Variants in PRKG1 observed in about 807,000 individuals in gnomAD.
The protein encoded by PRKG1 is protein kinase cGMP-dependent 1.
PRKG1 carries 35 observed loss-of-function variants against 88.1 expected under a neutral mutation model. The ratio of observed to expected loss-of-function variants is 0.40; its 90% confidence interval spans 0.30 to 0.53. PRKG1 has a LOEUF of 0.53. Ranked by LOEUF, PRKG1 falls within the 20% of genes least tolerant of loss-of-function variation. The pLI, the probability that PRKG1 is intolerant of heterozygous loss-of-function variation, is 0.59. For missense variants in PRKG1, 540 were observed against 839.8 expected, an observed-to-expected ratio of 0.64 and a Z score of 4.41; for synonymous variants, 303 against 292.5, an observed-to-expected ratio of 1.04 and a Z score of -0.37.
At chr10:51,894,351 C>T (rs1479030554) in intron 4 of PRKG1, among the ~76,000 whole-genome samples, 1 of 152,022 alleles carries the variant, frequency 6.6e-6, no homozygotes, top group African/African-American at 2.4e-5. Flanking sequence ...TAAGGGATAC[C>T]TGCCATAGTC....
chr10:52,036,670 G>A (rs1333495687), intron 5 of PRKG1, among the ~76,000 whole-genome samples: 38 of 152,112 alleles, frequency 2.5e-4, no homozygotes, highest in African/African-American at 5.8e-4. Flanking sequence ...GAAGAAGGGC[G>A]GCAATGAGAT....
At chr10:51,729,504 C>A (rs577492406) in intron 3 of PRKG1, among the ~76,000 whole-genome samples, 45 of 151,786 alleles carry the variant, frequency 3.0e-4, no homozygotes, top group African/African-American at 9.7e-4. Flanking sequence ...CTCAGGAGTT[C>A]GAGACCAGCC....
intron 10 of PRKG1, among the ~76,000 whole-genome samples, chr10:52,267,680 C>T (rs1841611563): frequency 6.6e-6 from 1 of 151,922 alleles, no homozygotes. Context: ...TACACACTAA[C>T]ATACGAACAC....
chr10:51,602,231 T>C (rs7909285), intron 3 of PRKG1, among the ~76,000 whole-genome samples: 11,973 of 152,192 alleles, frequency 0.079, 1,567 homozygotes, highest in African/African-American at 0.27. Flanking sequence ...TCATGTCATT[T>C]GTGTCTAAAC....
intron 9 of PRKG1, among the ~76,000 whole-genome samples, chr10:52,249,837 C>A (rs201051735): frequency 6.6e-6 from 1 of 151,726 alleles, no homozygotes; most frequent in Non-Finnish European, 1.5e-5. Context: ...CTAAAAAAAA[C>A]AAAAAGCAAA....
At chr10:51,698,202 C>T (rs924691336) in intron 3 of PRKG1, 2 of 1,614,066 alleles carry the variant, frequency 1.2e-6, no homozygotes, top group African/African-American at 2.7e-5. Context: ...ATGCCCCTTG[C>T]TTCCATCCCT....
At chr10:51,218,576 A>G (rs1564642851) in intron 2 of PRKG1, among the ~76,000 whole-genome samples, 1 of 147,290 alleles carries the variant, frequency 6.8e-6, no homozygotes, top group East Asian at 2.0e-4. Context: ...TGGCATATAT[A>G]TATGTATTTG....
At chr10:51,705,505 A>G (rs1447233824) in intron 3 of PRKG1, among the ~76,000 whole-genome samples, 1 of 152,222 alleles carries the variant, frequency 6.6e-6, no homozygotes, top group Non-Finnish European at 1.5e-5. Context: ...CTTATGAAGT[A>G]CATGCAATTG....
intron 7 of PRKG1, among the ~76,000 whole-genome samples, chr10:52,124,720 A>G (rs989546512): frequency 1.3e-5 from 2 of 152,110 alleles, no homozygotes; most frequent in Non-Finnish European, 2.9e-5. Flanking sequence ...CTAAAATACA[A>G]ACAATTCATA....
intron 5 of PRKG1, among the ~76,000 whole-genome samples, chr10:51,953,911 C>T (rs1843243376): frequency 6.6e-6 from 1 of 151,984 alleles, no homozygotes; most frequent in African/African-American, 2.4e-5. Flanking sequence ...AAAGAAATTG[C>T]CCCTTTTATC....
rs191774051 is a variant in PRKG1 at position 51,805,125 on chromosome 10, G to T, written c.698+435G>T. 7.0e-4 allele frequency among the ~76,000 whole-genome samples: 107 copies of T among 152,194 alleles called. 1 individual carries two copies. In the Middle Eastern group the frequency reaches 0.01, roughly 15 times the overall value. ...ACTGTAAGGCCGAGTCATCTCTTGT[G>T]TGAGTTTCCATATGAAAGGTCAGAT... On this transcript the variant is annotated intron_variant, in intron 4 of 17. Transcript: ENST00000373980.
chr10:51,361,615 A>G (rs1036316968), intron 2 of PRKG1, among the ~76,000 whole-genome samples: 38 of 151,990 alleles, frequency 2.5e-4, no homozygotes, highest in African/African-American at 8.9e-4. Context: ...GGAGTAGTTA[A>G]CAGTTATCTA....
At chr10:51,820,162 A>G (rs1454757934) in intron 4 of PRKG1, among the ~76,000 whole-genome samples, 2 of 152,194 alleles carry the variant, frequency 1.3e-5, no homozygotes, top group Non-Finnish European at 2.9e-5. Flanking sequence ...ATTTATGTAC[A>G]ACTGTTATAT....
intron 3 of PRKG1, among the ~76,000 whole-genome samples, chr10:51,775,875 C>T (rs532638779): frequency 7.9e-5 from 12 of 152,184 alleles, no homozygotes; most frequent in African/African-American, 2.9e-4. Context: ...TGAGCCACTG[C>T]GCCAGCCTGA....
At chr10:51,352,035 T>G (rs1842259856) in intron 2 of PRKG1, among the ~76,000 whole-genome samples, 1 of 152,200 alleles carries the variant, frequency 6.6e-6, no homozygotes, top group Non-Finnish European at 1.5e-5. Flanking sequence ...GTCAGGTTTG[T>G]CAAAGATCAG....
intron 2 of PRKG1, among the ~76,000 whole-genome samples, chr10:51,205,132 T>C (rs1213644482): frequency 0.011 from 915 of 87,090 alleles, 149 homozygotes; most frequent in South Asian, 0.019. Flanking sequence ...CTTTTCTTTT[T>C]TTTTTTTTTT....
chr10:51,228,369 CCT>C (rs1162163949), intron 2 of PRKG1, among the ~76,000 whole-genome samples: 10 of 152,252 alleles, frequency 6.6e-5, no homozygotes, highest in African/African-American at 2.4e-4. Context: ...GTGGATTCTT[CCT>C]GAAATTTGCT....
In PRKG1 at chr10:52,296,332, C is replaced by T. The variant is rs1842382201; in HGVS notation, c.*2432C>T. 6.6e-6 allele frequency: 1 copy of T among 152,042 alleles called. No homozygotes were observed. Among genetic ancestry groups the T allele is most frequent in the Admixed American group, 6.6e-5 (1 of 15,246 alleles). The allele number at this position is 152,042 out of a possible 1,614,324, so 9.4% of individuals were successfully genotyped here. A position where few individuals can be genotyped will look rare whatever the true frequency, so the allele number is the denominator to read the frequency against. ...GCACAAGAAACTGTAGATTGTTTCT[C>T]CCACTTGTTACTGCATCTTTGTTCA... On this transcript the variant is annotated 3_prime_UTR_variant, in exon 18 of 18. Coordinates refer to ENST00000373980, the MANE Select transcript of PRKG1 (RefSeq NM_006258.4).
At chr10:51,058,237 G>A (rs1293952786) in intron 1 of PRKG1, among the ~76,000 whole-genome samples, 3 of 151,898 alleles carry the variant, frequency 2.0e-5, no homozygotes, top group Admixed American at 6.6e-5. Context: ...GATAGCATCC[G>A]ACTTAACCTT....
Sources: gnomAD v4.1 joint callset for allele counts (sites outside exome capture counted in the v4.1 genomes callset) on GRCh38, gnomAD v4.1.1 for gene constraint, MANE v1.5 for transcripts, NCBI Gene and HGNC (gene_info 2026-07-23, HGNC 2026-07-21) for gene names.